Variants in RGS3 observed in about 807,000 individuals in gnomAD.
The protein encoded by RGS3 is regulator of G protein signaling 3, also known as regulator of G-protein signalling 3.
In RGS3, 80 loss-of-function variants were observed where a neutral mutation model predicts 132.6. The observed-to-expected ratio is 0.60, with a 90% confidence interval of 0.50 to 0.73. RGS3 has a LOEUF of 0.73. Ranked by LOEUF, RGS3 falls within the 30% of genes least tolerant of loss-of-function variation. RGS3 has a pLI of 0.00. For missense variants in RGS3, 1,382 were observed against 1,530.8 expected (o/e 0.90, Z 1.62); for synonymous variants, 598 against 620.6 (o/e 0.96, Z 0.54).
At chr9:113,536,913 A>C (rs1005440571) in exon 19 of RGS3, 1 of 1,613,816 alleles carries the variant, frequency 6.2e-7, no homozygotes, top group Non-Finnish European at 8.5e-7. Context: ...ACCCCCGGAC[A>C]GCAAGGTAAG....
chr9:113,541,296 T>A (rs1268042382), intron 19 of RGS3: 1 of 1,609,910 alleles, frequency 6.2e-7, no homozygotes, highest in Non-Finnish European at 8.5e-7. Flanking sequence ...AGCGAGCTAA[T>A]TCCAGTTCTG....
intron 20 of RGS3, among the ~76,000 whole-genome samples, chr9:113,590,293 G>A (rs2119023302): frequency 6.6e-6 from 1 of 152,112 alleles, no homozygotes; most frequent in African/African-American, 2.4e-5. Context: ...CCTATAGTAT[G>A]AGCTAAATGA....
intron 10 of RGS3, chr9:113,501,309 G>T: frequency 2.2e-6 from 2 of 905,782 alleles, no homozygotes; most frequent in Non-Finnish European, 3.1e-6. Flanking sequence ...CGCCGGGCCC[G>T]GGGAATACTA....
chr9:113,481,434 AG>A (rs1327906723), intron 4 of RGS3, among the ~76,000 whole-genome samples: 2 of 152,190 alleles, frequency 1.3e-5, no homozygotes, highest in Non-Finnish European at 2.9e-5. Flanking sequence ...AACAGTAACC[AG>A]GATACTGGGC....
chr9:113,568,625 C>G (rs1588264793), intron 19 of RGS3, among the ~76,000 whole-genome samples: 1 of 152,244 alleles, frequency 6.6e-6, no homozygotes, highest in Non-Finnish European at 1.5e-5. Flanking sequence ...TGGGCAGGAG[C>G]CTTCGCATGC....
At chr9:113,554,383 G>T (rs190083853) in intron 19 of RGS3, among the ~76,000 whole-genome samples, 6 of 152,316 alleles carry the variant, frequency 3.9e-5, no homozygotes, top group Admixed American at 3.3e-4. Context: ...TTGGCTCACT[G>T]CAACCTCCAC....
chr9:113,484,114 A>G lies in RGS3; in HGVS notation c.526-24A>G, dbSNP rs146602937. 846 of 1,455,994 alleles carry G rather than the reference A, an allele frequency of 5.8e-4. 1 individual carries two copies. Among genetic ancestry groups the G allele is most frequent in the Non-Finnish European group, 7.7e-4 (796 of 1,036,238 alleles). 90.2% of individuals were successfully genotyped at this position (1,455,994 alleles called of 1,614,324 possible). A position where few individuals can be genotyped will look rare whatever the true frequency, so the allele number is the denominator to read the frequency against. Reference sequence around the variant, plus strand: ...AGGTGGGCCATGAGATCCGCTAATCATGCTTCCTTTTTTCCAATTCAAGAT... The same window carrying G: ...AGGTGGGCCATGAGATCCGCTAATCGTGCTTCCTTTTTTCCAATTCAAGAT... On this transcript the variant is annotated intron_variant, in intron 5 of 24. Coordinates refer to ENST00000350696, the Ensembl canonical transcript of RGS3.
At chr9:113,474,407 A>G (rs1829928360) in intron 3 of RGS3, among the ~76,000 whole-genome samples, 1 of 152,164 alleles carries the variant, frequency 6.6e-6, no homozygotes, top group South Asian at 2.1e-4. Flanking sequence ...CCTGTTTCCC[A>G]GCGCCACTGC....
In RGS3 at chr9:113,463,611, T is replaced by C; in HGVS notation, c.415+1410T>C. The C allele has an allele frequency of 1.1e-6, 1 of 901,362 alleles. No individual in the cohort carries two copies. Among genetic ancestry groups the C allele is most frequent in the South Asian group, 2.1e-5 (1 of 47,972 alleles). The allele number at this position is 901,362 out of a possible 1,614,324, so 55.8% of individuals were successfully genotyped here. On this transcript the variant is annotated intron_variant, in intron 3 of 24. Coordinates refer to ENST00000350696, the Ensembl canonical transcript of RGS3. The surrounding 1 kb of genome is among the most constrained non-coding windows in gnomAD (Gnocchi z 4.6). ...CTCCCCCACCCCGGCCCAGCTCTGCTCCGGCAGGTGGAACTCTCCCCATTC... is the reference window on the plus strand; with the variant it reads ...CTCCCCCACCCCGGCCCAGCTCTGCCCCGGCAGGTGGAACTCTCCCCATTC...
At chr9:113,547,203 CTCTA>C (rs762629976) in intron 19 of RGS3, among the ~76,000 whole-genome samples, 10 of 152,168 alleles carry the variant, frequency 6.6e-5, no homozygotes, top group Non-Finnish European at 1.3e-4. Flanking sequence ...AGCCTCGGTA[CTCTA>C]ATACCAGGCA....
chr9:113,455,709 C>T (rs1459907303), upstream of RGS3, among the ~76,000 whole-genome samples: 1 of 152,198 alleles, frequency 6.6e-6, no homozygotes, highest in Non-Finnish European at 1.5e-5. Flanking sequence ...TTTACAGCAA[C>T]CAGCATCTGT....
intron 3 of RGS3, among the ~76,000 whole-genome samples, chr9:113,471,131 A>G (rs1170172308): frequency 6.6e-6 from 1 of 152,106 alleles, no homozygotes; most frequent in Non-Finnish European, 1.5e-5. Flanking sequence ...TGGGACTGAG[A>G]GTACTTGAAA....
chr9:113,486,216 C>T (rs1488169257), intron 7 of RGS3, among the ~76,000 whole-genome samples: 3 of 152,126 alleles, frequency 2.0e-5, no homozygotes, highest in Non-Finnish European at 4.4e-5. Flanking sequence ...TCACTGTGGT[C>T]TGAGATGATC....
At position 113,565,703 on chromosome 9, in the gene RGS3, C is replaced by T. The variant is rs891693724; in HGVS notation, c.2038-17747C>T. The T allele has an allele frequency of 7.8e-5, 21 of 269,352 alleles. No homozygotes were observed. Among genetic ancestry groups the T allele is most frequent in the Non-Finnish European group, 1.2e-4 (16 of 134,378 alleles). The allele number at this position is 269,352 out of a possible 1,614,324, so 16.7% of individuals were successfully genotyped here. On this transcript the variant is annotated intron_variant, in intron 19 of 24. Coordinates refer to ENST00000350696, the Ensembl canonical transcript of RGS3. The surrounding 1 kb of genome is among the most constrained non-coding windows in gnomAD (Gnocchi z 5.7). ...GCTGGCAGGAGCGGCAGCCAGGAGT[C>T]GCCTGGGTCCCTGCTGGAGTATGCT...
At chr9:113,454,608 AAAAACAAAAC>A (rs560087358) in intron 1 of RGS3, among the ~76,000 whole-genome samples, 12 of 152,266 alleles carry the variant, frequency 7.9e-5, no homozygotes, top group Middle Eastern at 3.4e-3. Flanking sequence ...ACAGTATCAA[AAAAACAAAAC>A]AAAACAAAAC....
chr9:113,447,327 A>ATATATATG lies in RGS3; in HGVS notation c.-13+2401_-13+2402insATATATGT, dbSNP rs1484683848. Among the ~76,000 whole-genome samples, 25 of 72,624 alleles carry ATATATATG rather than the reference A, an allele frequency of 3.4e-4. 2 individuals are homozygous for ATATATATG. Among genetic ancestry groups the ATATATATG allele is most frequent in the Non-Finnish European group, 5.4e-4 (19 of 35,484 alleles). The allele number at this position is 72,624 out of a possible 152,430, so 47.6% of individuals were successfully genotyped here. Reference sequence around the variant, plus strand: ...AACCAATAAATTCTGATGTATGTATATGTATATATATATATATATATATAT... The same window carrying ATATATATG: ...AACCAATAAATTCTGATGTATGTATATATATATGTGTATATATATATATATATATATAT... On this transcript the variant is annotated intron_variant, in intron 1 of 25. Coordinates refer to the RGS3 transcript ENST00000374140.
At chr9:113,541,032 G>C (rs993275554) in intron 19 of RGS3, among the ~76,000 whole-genome samples, 1 of 152,204 alleles carries the variant, frequency 6.6e-6, no homozygotes, top group African/African-American at 2.4e-5. Flanking sequence ...CTGGTGCTCG[G>C]AGCACATATG....
At chr9:113,474,717 T>G (rs1260516874) in intron 3 of RGS3, among the ~76,000 whole-genome samples, 1 of 152,184 alleles carries the variant, frequency 6.6e-6, no homozygotes, top group African/African-American at 2.4e-5. Flanking sequence ...TTTTAACATG[T>G]GACAGTTCTT....
intron 19 of RGS3, among the ~76,000 whole-genome samples, chr9:113,566,786 T>C (rs968093727): frequency 3.4e-4 from 52 of 152,244 alleles, no homozygotes; most frequent in African/African-American, 1.3e-3. Context: ...CTCCCAGTGC[T>C]AGAGTGGGTA....
Sources: allele counts gnomAD v4.1 joint callset (sites outside exome capture counted in the v4.1 genomes callset), GRCh38; gene constraint gnomAD v4.1.1; non-coding constraint Gnocchi (gnomAD v3.1); transcripts MANE v1.5; gene names NCBI Gene and HGNC (gene_info 2026-07-23, HGNC 2026-07-21).